Variants in PRKCG observed in about 807,000 individuals in gnomAD.
The protein encoded by PRKCG is protein kinase C gamma type.
PRKCG carries 28 observed loss-of-function variants against 82.0 expected under a neutral mutation model. That is an observed-to-expected ratio of 0.34 (90% CI 0.25 to 0.47). The LOEUF is 0.47. PRKCG is among the 20% of genes least tolerant of loss of function. PRKCG has a pLI of 1.00. For synonymous variants in PRKCG, 383 were observed against 376.6 expected (o/e 1.02, Z -0.20); for missense variants, 640 against 952.7 (o/e 0.67, Z 4.32).
chr19:53,881,947 GC>G, upstream of PRKCG: 1 of 185,386 alleles, frequency 5.4e-6, no homozygotes, highest in South Asian at 7.8e-5. Flanking sequence ...ACCCCAGGGC[GC>G]CCACAGGACA....
rs112617125 is a variant in PRKCG at position 53,892,110 on chromosome 19, C to G, written c.686+280C>G. On this transcript the variant is annotated intron_variant, in intron 6 of 17. Transcript: ENST00000263431. The surrounding 1 kb of genome is among the most constrained non-coding windows in gnomAD (Gnocchi z 5.9). ...AGAGAAGAGAGAGTCTCAGAAGAGG[C>G]AGAAACCCAAAGAGAGACACAGATG... Among the ~76,000 whole-genome samples, 534 of 152,022 alleles carry G rather than the reference C, an allele frequency of 3.5e-3. 4 individuals carry two copies. Among genetic ancestry groups the G allele is most frequent in the African/African-American group, 0.012 (508 of 41,446 alleles).
chr19:53,898,711 G>A (rs2068736288), intron 11 of PRKCG, 83 bp downstream of exon 11: 2 of 1,404,436 alleles, frequency 1.4e-6, no homozygotes, highest in Admixed American at 4.1e-5. Context: ...CTGAGTTTAG[G>A]GCGAGGCAAG....
intron 5 of PRKCG, 49 bp downstream of exon 5, chr19:53,890,066 G>T: frequency 6.5e-7 from 1 of 1,535,960 alleles, no homozygotes; most frequent in Non-Finnish European, 8.8e-7. Context: ...CAAGTGTGAG[G>T]CGGGGCTGAC....
chr19:53,903,166 G>A lies in PRKCG; in HGVS notation c.1656+13G>A, dbSNP rs752565249. 6.2e-7 allele frequency: 1 copy of A among 1,610,252 alleles called. No individual in the cohort carries two copies. The highest frequency in any genetic ancestry group is 1.1e-5 in the South Asian group (1 of 91,010). ...GTTGGCAGGACAGGTAAGGGAAGGTGGGGAGAAGCTGGCTTGGCTAAAAGA... is the reference window on the plus strand; with the variant it reads ...GTTGGCAGGACAGGTAAGGGAAGGTAGGGAGAAGCTGGCTTGGCTAAAAGA... On this transcript the variant is annotated intron_variant, in intron 15 of 17. Coordinates refer to ENST00000263431, the MANE Select transcript of PRKCG (RefSeq NM_002739.5).
rs551515644 is a variant in PRKCG at position 53,884,999 on chromosome 19, G to A, written c.285+756G>A. On this transcript the variant is annotated intron_variant, in intron 3 of 17. Transcript: ENST00000263431. This position sits in a 1 kb window ranked among gnomAD's most constrained non-coding sequence, Gnocchi z 4.6. ...CAGTCAACCCTGAGTGCCCATTCCCGTTCCCTTTTCTGCTTTATCTCTGAG... is the reference window on the plus strand; with the variant it reads ...CAGTCAACCCTGAGTGCCCATTCCCATTCCCTTTTCTGCTTTATCTCTGAG... 9.2e-5 allele frequency among the ~76,000 whole-genome samples: 14 copies of A among 152,138 alleles called. No homozygotes were observed. The highest frequency in any genetic ancestry group is 1.5e-4 in the Non-Finnish European group (10 of 68,010).
At position 53,906,299 on chromosome 19, in the gene PRKCG, T is replaced by C; in HGVS notation, c.1765-18T>C. The C allele has an allele frequency of 6.4e-7, 1 of 1,551,308 alleles. No individual in the cohort carries two copies. The highest frequency in any genetic ancestry group is 8.7e-7 in the Non-Finnish European group (1 of 1,146,926). On this transcript the variant is annotated intron_variant, in intron 16 of 17. Transcript: ENST00000263431. ...CTCTGTCTGTTTGTCTGTCTGTCTCTCTCTGTGTTTCCCACAGTTCCTGAC... is the reference window on the plus strand; with the variant it reads ...CTCTGTCTGTTTGTCTGTCTGTCTCCCTCTGTGTTTCCCACAGTTCCTGAC...
chr19:53,886,910 G>C (rs2068635348), intron 3 of PRKCG, among the ~76,000 whole-genome samples: 1 of 152,322 alleles, frequency 6.6e-6, no homozygotes, highest in East Asian at 1.9e-4. Flanking sequence ...GGATTGTTTT[G>C]AAGATTTAGT....
rs1294696426 is a variant in PRKCG, at chr19:53,883,523, C to T, written c.202+329C>T. 6.6e-6 allele frequency among the ~76,000 whole-genome samples: 1 copy of T among 151,960 alleles called. No homozygotes were observed. The highest frequency in any genetic ancestry group is 1.9e-4 in the East Asian group (1 of 5,164). On this transcript the variant is annotated intron_variant, in intron 2 of 17. Coordinates refer to ENST00000263431, the MANE Select transcript of PRKCG (RefSeq NM_002739.5). This position sits in a 1 kb window ranked among gnomAD's most constrained non-coding sequence, Gnocchi z 5.4. ...GGGCTGGAGATGCAAAGTCAGAGCC[C>T]CCCCCCACCCCAGGCTGCCGTCGCC...
In PRKCG at chr19:53,882,559, AG is replaced by A; in HGVS notation, c.70del (p.Ala24ProfsTer2). On this transcript the variant is annotated frameshift_variant, in exon 1 of 18. Transcript: ENST00000263431. LOFTEE classifies it high-confidence loss of function. This position sits in a 1 kb window ranked among gnomAD's most constrained non-coding sequence, Gnocchi z 6.1. ...EGGPRPLFCR[K>X]GALRQKVVHE... The stretch of plus-strand genomic sequence containing the variant: ...GGACCCCGGCCCCTGTTTTGCAGAA[AG>A]GGGGCCCTGAGGCAGAAGGTGGTCC... 6.2e-7 allele frequency: 1 copy of A among 1,614,078 alleles called. No homozygotes were observed. The highest frequency in any genetic ancestry group is 8.5e-7 in the Non-Finnish European group (1 of 1,179,988).
chr19:53,907,109 A>T lies in PRKCG; in HGVS notation c.*214A>T. 1 of 1,140,394 alleles carries T rather than the reference A, an allele frequency of 8.8e-7. No homozygotes were observed. Among genetic ancestry groups the T allele is most frequent in the Non-Finnish European group, 1.2e-6 (1 of 820,208 alleles). 70.6% of individuals were successfully genotyped at this position (1,140,394 alleles called of 1,614,324 possible). On this transcript the variant is annotated 3_prime_UTR_variant, in exon 18 of 18. Coordinates refer to ENST00000263431, the MANE Select transcript of PRKCG (RefSeq NM_002739.5). Reference sequence around the variant, plus strand: ...ACAGCCGTCCCGCGTTCAAGACTTGAGCGGAGCCCGATATTCTCCCTGACC... The same window carrying T: ...ACAGCCGTCCCGCGTTCAAGACTTGTGCGGAGCCCGATATTCTCCCTGACC...
intron 11 of PRKCG, among the ~76,000 whole-genome samples, chr19:53,899,482 A>T (rs1389746108): frequency 6.6e-6 from 1 of 152,154 alleles, no homozygotes; most frequent in Non-Finnish European, 1.5e-5. Flanking sequence ...TTAGGGGCAG[A>T]GAGTCAGAAC....
At position 53,898,478 on chromosome 19, in the gene PRKCG, C is replaced by T; in HGVS notation, c.1131C>T (p.Tyr377=). 6.2e-7 allele frequency: 1 copy of T among 1,613,904 alleles called. No homozygotes were observed. The highest frequency in any genetic ancestry group is 8.5e-7 in the Non-Finnish European group (1 of 1,180,004). The change falls in exon 11 of 18, where the codon TAC becomes TAT. Residue 377 remains tyrosine (Y), a synonymous_variant. Transcript: ENST00000263431. Reference sequence around the variant, plus strand: ...AGCGCAGGGGCTCTGATGAGCTCTACGCCATCAAGATCTTGAAAAAGGACG... The same window carrying T: ...AGCGCAGGGGCTCTGATGAGCTCTATGCCATCAAGATCTTGAAAAAGGACG... ...LAERRGSDEL[Y]AIKILKKDVI...
rs1057247994 is a variant in PRKCG at position 53,891,755 on chromosome 19, C to G, written c.611C>G (p.Pro204Arg). The G allele has an allele frequency of 6.2e-7, 1 of 1,614,046 alleles. No individual in the cohort carries two copies. The highest frequency in any genetic ancestry group is 8.5e-7 in the Non-Finnish European group (1 of 1,180,038). Residue 204 changes from proline (P) to arginine (R), a missense_variant, in exon 6 of 18, where the codon CCT becomes CGT. Physicochemically the swap from Pro to Arg is moderately radical, Grantham distance 103 (BLOSUM62 -2). Transcript: ENST00000263431. ...GTGAAACTGAAGCTCATCCCAGACC[C>G]TCGGAACCTGACGAAACAGAAGACC... Reference protein sequence around the residue: ...PYVKLKLIPDPRNLTKQKTRT... With the variant: ...PYVKLKLIPDRRNLTKQKTRT...
intron 9 of PRKCG, among the ~76,000 whole-genome samples, chr19:53,897,054 G>T (rs2068723111): frequency 6.6e-6 from 1 of 152,174 alleles, no homozygotes; most frequent in African/African-American, 2.4e-5. Context: ...GCCCTGAGGT[G>T]GGAGGGAGGA....
intron 16 of PRKCG, among the ~76,000 whole-genome samples, chr19:53,904,951 C>T (rs1005717162): frequency 2.0e-5 from 3 of 152,218 alleles, no homozygotes; most frequent in African/African-American, 4.8e-5. Flanking sequence ...TCATCCTTCT[C>T]TGTGACTCCC....
chr19:53,900,738 A>G lies in PRKCG; in HGVS notation c.1564A>G (p.Ile522Val). 1.2e-6 allele frequency: 2 copies of G among 1,614,184 alleles called. No individual in the cohort carries two copies. Among genetic ancestry groups the G allele is most frequent in the South Asian group, 2.2e-5 (2 of 91,092 alleles). ...CACCTTCTGCGGGACCCCGGACTACATAGCCCCGGAGGTAACCCCAACCCT... is the reference window on the plus strand; with the variant it reads ...CACCTTCTGCGGGACCCCGGACTACGTAGCCCCGGAGGTAACCCCAACCCT... Reference protein sequence around the residue: ...TRTFCGTPDYIAPEIIAYQPY... With the variant: ...TRTFCGTPDYVAPEIIAYQPY... The change falls in exon 14 of 18, where the codon ATA becomes GTA. Residue 522 changes from isoleucine (I) to valine (V), a missense_variant. By Grantham distance (29) the Ile-to-Val change is conservative. This residue lies in a region of PRKCG where 198 missense variants were observed against 273.4 expected (regional missense o/e 0.72). Transcript: ENST00000263431. The surrounding 1 kb of genome is among the most constrained non-coding windows in gnomAD (Gnocchi z 4.2).
rs990223678 is a variant in PRKCG, at chr19:53,884,315, A to G, written c.285+72A>G. ...CCTCACCCCCTCGGCGTCCGTCCCA[A>G]TTTCTCCTGCTATTTTTATGGCTGG... On this transcript the variant is annotated intron_variant, in intron 3 of 17. Transcript: ENST00000263431. The surrounding 1 kb of genome is among the most constrained non-coding windows in gnomAD (Gnocchi z 4.6). 26 of 1,372,784 alleles carry G rather than the reference A, an allele frequency of 1.9e-5. No homozygotes were observed. The highest frequency in any genetic ancestry group is 4.1e-6 in the Non-Finnish European group (4 of 963,932). 85.0% of individuals were successfully genotyped at this position (1,372,784 alleles called of 1,614,324 possible).
chr19:53,882,222 A>C lies in PRKCG; in HGVS notation c.-273A>C. On this transcript the variant is annotated 5_prime_UTR_variant, in exon 1 of 18. Coordinates refer to ENST00000263431, the MANE Select transcript of PRKCG (RefSeq NM_002739.5). The surrounding 1 kb of genome is among the most constrained non-coding windows in gnomAD (Gnocchi z 6.1). ...ACATTTCAGCAGGTGCCGGAGCTGG[A>C]GCTCCCACCGCCGCCGCCCGTGCCT... is the stretch of plus-strand genomic sequence containing the variant. The C allele has an allele frequency of 2.0e-6, 1 of 499,860 alleles. No individual in the cohort carries two copies. The highest frequency in any genetic ancestry group is 3.7e-6 in the Non-Finnish European group (1 of 273,124). The allele number at this position is 499,860 out of a possible 1,614,324, so 31.0% of individuals were successfully genotyped here. A position where few individuals can be genotyped will look rare whatever the true frequency, so the allele number is the denominator to read the frequency against.
At chr19:53,899,733 C>T (rs2068748700) in intron 11 of PRKCG, among the ~76,000 whole-genome samples, 1 of 152,068 alleles carries the variant, frequency 6.6e-6, no homozygotes, top group African/African-American at 2.4e-5. Flanking sequence ...ATTACAGGCT[C>T]CCGCCACCAC....
Sources: allele counts gnomAD v4.1 joint callset (sites outside exome capture counted in the v4.1 genomes callset), GRCh38; gene constraint gnomAD v4.1.1; regional missense constraint gnomAD v4.1.1; non-coding constraint Gnocchi (gnomAD v3.1); transcripts MANE v1.5; gene names NCBI Gene and HGNC (gene_info 2026-07-23, HGNC 2026-07-21).